MLPH: variants seen among roughly 807,000 people sequenced by gnomAD.
MLPH encodes the protein melanophilin.
Under a neutral mutation model 72.1 loss-of-function variants are expected in MLPH, and 51 were observed. The observed-to-expected ratio is 0.71, with a 90% confidence interval of 0.56 to 0.89. MLPH has a LOEUF of 0.89. Among genes scored for constraint, MLPH ranks in the 40% least tolerant of loss-of-function variants. The probability of loss-of-function intolerance (pLI) is 0.00; values close to 1 mark genes in which losing one functional copy is unlikely to be tolerated. For missense variants in MLPH, 743 were observed against 759.9 expected, an observed-to-expected ratio of 0.98 and a Z score of 0.26; for synonymous variants, 301 against 310.1, an observed-to-expected ratio of 0.97 and a Z score of 0.31.
At chr2:237,527,744 G>A (rs991306281) in intron 8 of MLPH, 9 of 597,392 alleles carry the variant, frequency 1.5e-5, no homozygotes, top group Admixed American at 6.1e-5. Context: ...ATTAAAAATC[G>A]AGTTTCCATA....
At chr2:237,519,811 T>A (rs75559690) in intron 5 of MLPH, 99 bp from the exon 6 acceptor site, 13 of 1,574,470 alleles carry the variant, frequency 8.3e-6, no homozygotes, top group Non-Finnish European at 1.1e-5. Context: ...GCCCCGCCCC[T>A]CTGGGGGCTG....
chr2:237,546,556 C>G, intron 12 of MLPH, 50 bp from the exon 13 acceptor site: 2 of 1,529,806 alleles, frequency 1.3e-6, no homozygotes, highest in East Asian at 4.5e-5. Flanking sequence ...CATGCTCCTC[C>G]CTGTGGCTGG....
chr2:237,518,714 T>G, intron 5 of MLPH, 66 bp downstream of exon 5: 2 of 1,305,054 alleles, frequency 1.5e-6, no homozygotes, highest in Non-Finnish European at 2.2e-6. Flanking sequence ...GGACGTCAGG[T>G]TCTGATTTCC....
intron 8 of MLPH, among the ~76,000 whole-genome samples, chr2:237,530,218 G>A (rs938997): frequency 0.16 from 23,941 of 151,994 alleles, 2,114 homozygotes; most frequent in South Asian, 0.31. Context: ...GTGGGCAACA[G>A]GAAGTATGCA....
intron 2 of MLPH, among the ~76,000 whole-genome samples, chr2:237,502,557 T>A (rs1388403401): frequency 6.6e-6 from 1 of 152,210 alleles, no homozygotes; most frequent in Non-Finnish European, 1.5e-5. Flanking sequence ...AATTAATGGA[T>A]ATTCTCCAAA....
chr2:237,520,179 G>T (rs988865852), intron 6 of MLPH, 150 bp downstream of exon 6: 7 of 1,004,534 alleles, frequency 7.0e-6, no homozygotes, highest in Non-Finnish European at 1.0e-5. Context: ...GAAGGGGACC[G>T]ATGTGGGAAG....
chr2:237,532,451 T>C (rs2080440618), intron 8 of MLPH, among the ~76,000 whole-genome samples: 1 of 152,214 alleles, frequency 6.6e-6, no homozygotes, highest in Admixed American at 6.5e-5. Flanking sequence ...GAAACGGCCC[T>C]GGCACGCACC....
intron 1 of MLPH, among the ~76,000 whole-genome samples, chr2:237,490,441 A>C (rs1325641256): frequency 2.6e-5 from 4 of 152,190 alleles, no homozygotes; most frequent in Non-Finnish European, 4.4e-5. Flanking sequence ...TTATCCATTC[A>C]CTTCCTGGTC....
chr2:237,503,589 G>C (rs559470996), intron 2 of MLPH, among the ~76,000 whole-genome samples: 48 of 152,200 alleles, frequency 3.2e-4, no homozygotes, highest in African/African-American at 1.2e-3. Flanking sequence ...CAGTCATTTG[G>C]CCCCTGGATC....
rs554098934 is a variant in MLPH at position 237,517,109 on chromosome 2, G to A, written c.446-1430G>A. On this transcript the variant is annotated intron_variant, in intron 4 of 15. Coordinates refer to ENST00000264605, the MANE Select transcript of MLPH (RefSeq NM_024101.7). Reference sequence around the variant, plus strand: ...GGTGGATAGATGGATAGGTGTTTGAGTGGATGGATAAATAGATGTCTGAGT... The same window carrying A: ...GGTGGATAGATGGATAGGTGTTTGAATGGATGGATAAATAGATGTCTGAGT... 3.3e-5 allele frequency among the ~76,000 whole-genome samples: 5 copies of A among 150,934 alleles called. No homozygotes were observed. The South Asian group carries it at 8.4e-4, about 25-fold the overall frequency.
At chr2:237,527,307 T>C (rs749842064) in intron 7 of MLPH, 70 bp from the exon 8 acceptor site, 53 of 1,589,802 alleles carry the variant, frequency 3.3e-5, no homozygotes, top group South Asian at 3.3e-5. Context: ...TTTTTCTTCA[T>C]TGGACTAAAC....
chr2:237,503,699 C>T (rs2079701822), intron 2 of MLPH, among the ~76,000 whole-genome samples: 1 of 152,174 alleles, frequency 6.6e-6, no homozygotes, highest in Admixed American at 6.5e-5. Flanking sequence ...GCTGTTTTCT[C>T]AGGCATGGCA....
rs890754200 is a variant in MLPH, at chr2:237,505,617, T to C, written c.111-4957T>C. Among the ~76,000 whole-genome samples, 6 of 152,108 alleles carry C rather than the reference T, an allele frequency of 3.9e-5. No homozygotes were observed. Among genetic ancestry groups the C allele is most frequent in the African/African-American group, 1.4e-4 (6 of 41,410 alleles). On this transcript the variant is annotated intron_variant, in intron 2 of 15. Transcript: ENST00000264605. The surrounding 1 kb of genome is among the most constrained non-coding windows in gnomAD (Gnocchi z 4.5). ...TGTTGCCACCACACCCCTGTCTAGA[T>C]TTCACCCCAAGAGGGGCAGAGCAGG...
In MLPH at chr2:237,542,641, G is replaced by C. The variant is rs566121949; in HGVS notation, c.1521G>C (p.Arg507=). The C allele has an allele frequency of 1.9e-6, 3 of 1,587,806 alleles. No homozygotes were observed. The highest frequency in any genetic ancestry group is 3.6e-5 in the Admixed American group (2 of 56,180). The part of the protein sequence containing the change: ...GLTVKPSGKP[R]RKSNLPIFLP... Reference sequence around the variant, plus strand: ...CGGTGAAGCCCTCGGGAAAGCCCCGGAGGAAGTCAAACCTCCCGGTGAGTG... The same window carrying C: ...CGGTGAAGCCCTCGGGAAAGCCCCGCAGGAAGTCAAACCTCCCGGTGAGTG... Residue 507 remains arginine, a synonymous_variant, in exon 12 of 16, where the codon CGG becomes CGC. Coordinates refer to ENST00000264605, the MANE Select transcript of MLPH (RefSeq NM_024101.7).
chr2:237,547,950 C>G (rs931640745), intron 13 of MLPH, among the ~76,000 whole-genome samples: 2 of 152,130 alleles, frequency 1.3e-5, no homozygotes, highest in African/African-American at 4.8e-5. Flanking sequence ...TGCAGCCCAG[C>G]GCAGCAGGGA....
chr2:237,540,142 C>T (rs560143878), intron 9 of MLPH, among the ~76,000 whole-genome samples: 1 of 152,230 alleles, frequency 6.6e-6, no homozygotes, highest in Non-Finnish European at 1.5e-5. Context: ...TCCCTGGGAA[C>T]CCCCAGCCCT....
chr2:237,497,915 G>A (rs755542560), intron 2 of MLPH, among the ~76,000 whole-genome samples: 8 of 152,178 alleles, frequency 5.3e-5, no homozygotes, highest in Admixed American at 2.0e-4. Flanking sequence ...ACTGGTGCTC[G>A]AGGGACCACT....
At position 237,505,268 on chromosome 2, in the gene MLPH, A is replaced by G. The variant is rs576885283; in HGVS notation, c.111-5306A>G. Among the ~76,000 whole-genome samples, 11 of 151,964 alleles carry G rather than the reference A, an allele frequency of 7.2e-5. No homozygotes were observed. Among genetic ancestry groups the G allele is most frequent in the African/African-American group, 1.2e-4 (5 of 41,366 alleles). On this transcript the variant is annotated intron_variant, in intron 2 of 15. Coordinates refer to ENST00000264605, the MANE Select transcript of MLPH (RefSeq NM_024101.7). This position sits in a 1 kb window ranked among gnomAD's most constrained non-coding sequence, Gnocchi z 4.5. ...GTACTGGCCGGGCACTGAGATACGGATGGCACCCACCACTGAGACCCTGAT... is the reference window on the plus strand; with the variant it reads ...GTACTGGCCGGGCACTGAGATACGGGTGGCACCCACCACTGAGACCCTGAT...
chr2:237,498,076 G>A (rs770433787), intron 2 of MLPH, among the ~76,000 whole-genome samples: 1 of 152,130 alleles, frequency 6.6e-6, no homozygotes, highest in Non-Finnish European at 1.5e-5. Context: ...CAGGGGTGGG[G>A]GAATTGTGAA....
Sources: gnomAD v4.1 joint callset for allele counts (sites outside exome capture counted in the v4.1 genomes callset) on GRCh38, gnomAD v4.1.1 for gene constraint, Gnocchi (gnomAD v3.1) non-coding constraint, MANE v1.5 for transcripts, NCBI Gene and HGNC (gene_info 2026-07-23, HGNC 2026-07-21) for gene names.